CCDC171: variants seen among roughly 807,000 people sequenced by gnomAD.
CCDC171 encodes the protein coiled-coil domain containing 171.
CCDC171 carries 177 observed loss-of-function variants against 168.2 expected under a neutral mutation model. That is an observed-to-expected ratio of 1.05 (90% CI 0.93 to 1.19). CCDC171 has a LOEUF of 1.19. Among genes scored for constraint, CCDC171 ranks in the 50% most tolerant of loss-of-function variants. The pLI, the probability that CCDC171 is intolerant of heterozygous loss-of-function variation, is 0.00. For synonymous variants in CCDC171, 687 were observed against 540.8 expected, an observed-to-expected ratio of 1.27 and a Z score of -3.75; for missense variants, 1,991 against 1,539.0, an observed-to-expected ratio of 1.29 and a Z score of -4.91.
intron 3 of CCDC171, among the ~76,000 whole-genome samples, chr9:16,015,979 T>C (rs114382659): frequency 0.014 from 2,173 of 152,302 alleles, 45 homozygotes; most frequent in African/African-American, 0.048. Flanking sequence ...TAATATCCCA[T>C]TGTACGTACA....
At chr9:15,735,226 A>G (rs1160250227) in intron 16 of CCDC171, among the ~76,000 whole-genome samples, 1 of 152,214 alleles carries the variant, frequency 6.6e-6, no homozygotes, top group Non-Finnish European at 1.5e-5. Flanking sequence ...TTTGCTAGCC[A>G]CATGTTGGGT....
intron 24 of CCDC171, among the ~76,000 whole-genome samples, chr9:15,892,156 A>G (rs984574091): frequency 1.3e-5 from 2 of 152,150 alleles, no homozygotes; most frequent in Admixed American, 1.3e-4. Context: ...AACAAAGATA[A>G]TTTGACTTTC....
chr9:16,003,411 A>C (rs1832611803), intron 3 of CCDC171, among the ~76,000 whole-genome samples: 1 of 152,200 alleles, frequency 6.6e-6, no homozygotes, highest in South Asian at 2.1e-4. Flanking sequence ...GAGCAAATGG[A>C]AATTTGCACT....
At chr9:16,030,327 T>G (rs1186419241) in intron 6 of CCDC171, among the ~76,000 whole-genome samples, 1 of 152,200 alleles carries the variant, frequency 6.6e-6, no homozygotes, top group Non-Finnish European at 1.5e-5. Flanking sequence ...TCTGTGTGTT[T>G]TATATGAATG....
At chr9:15,939,604 C>T (rs1386866372) in intron 25 of CCDC171, among the ~76,000 whole-genome samples, 1 of 151,886 alleles carries the variant, frequency 6.6e-6, no homozygotes, top group Non-Finnish European at 1.5e-5. Context: ...TCTTGTTTAT[C>T]TCTATCTCAT....
At chr9:15,695,614 C>T (rs2051154078) in intron 11 of CCDC171, among the ~76,000 whole-genome samples, 1 of 152,124 alleles carries the variant, frequency 6.6e-6, no homozygotes, top group South Asian at 2.1e-4. Flanking sequence ...CTGAATCCAA[C>T]TGAGAAAAAA....
chr9:15,998,744 T>A (rs1243713401), intron 3 of CCDC171, among the ~76,000 whole-genome samples: 2 of 152,144 alleles, frequency 1.3e-5, no homozygotes, highest in African/African-American at 4.8e-5. Context: ...AAAAAAATTA[T>A]GTGACTAAAT....
chr9:15,846,574 C>A, intron 21 of CCDC171, 128 bp from the exon 22 acceptor site: 1 of 847,388 alleles, frequency 1.2e-6, no homozygotes, highest in Non-Finnish European at 1.8e-6. Context: ...ATTTGTTAAA[C>A]TTTGATGTGT....
chr9:15,728,920 T>C (rs2053986403), intron 15 of CCDC171, among the ~76,000 whole-genome samples: 1 of 152,152 alleles, frequency 6.6e-6, no homozygotes, highest in African/African-American at 2.4e-5. Context: ...TTTTTTATTA[T>C]TGAGCATTTT....
chr9:15,971,782 C>T lies in CCDC171; in HGVS notation c.3927C>T (p.Ser1309=), dbSNP rs376251573. 6.2e-7 allele frequency: 1 copy of T among 1,613,876 alleles called. No homozygotes were observed. Among genetic ancestry groups the T allele is most frequent in the African/African-American group, 1.3e-5 (1 of 74,914 alleles). ...TVPHALTSSH[S]SPVTMSANAN... ...CCCATGCTCTGACATCATCTCACTC[C>T]TCTCCAGTGACTATGTCTGCTAATG... Residue 1309 remains serine, a synonymous_variant, in exon 26 of 26, where the codon TCC becomes TCT. Coordinates refer to ENST00000380701, the MANE Select transcript of CCDC171 (RefSeq NM_173550.4).
chr9:15,837,178 G>T (rs1750997195), intron 21 of CCDC171, among the ~76,000 whole-genome samples: 2 of 152,034 alleles, frequency 1.3e-5, no homozygotes, highest in African/African-American at 4.8e-5. Context: ...AAATTTGAAC[G>T]TTCTACAATA....
intron 25 of CCDC171, among the ~76,000 whole-genome samples, chr9:15,925,479 CTT>C (rs145982648): frequency 0.12 from 17,768 of 151,458 alleles, 1,089 homozygotes; most frequent in Non-Finnish European, 0.14. Flanking sequence ...AGAGGTCAGA[CTT>C]TGTTCTTTTT....
intron 21 of CCDC171, among the ~76,000 whole-genome samples, chr9:15,801,738 A>G (rs1416230701): frequency 6.6e-6 from 1 of 152,084 alleles, no homozygotes; most frequent in Non-Finnish European, 1.5e-5. Context: ...ATTCAGTATG[A>G]TACTAGCTGT....
intron 6 of CCDC171, among the ~76,000 whole-genome samples, chr9:15,615,912 G>C (rs1003360375): frequency 1.3e-5 from 2 of 151,576 alleles, no homozygotes; most frequent in African/African-American, 4.8e-5. Flanking sequence ...CCAAGTACTG[G>C]GACCACAGGC....
chr9:15,750,471 C>G (rs929451041), intron 18 of CCDC171, among the ~76,000 whole-genome samples: 2 of 152,160 alleles, frequency 1.3e-5, no homozygotes, highest in South Asian at 2.1e-4. Context: ...TTTTATGAGG[C>G]CAGCATCATC....
chr9:15,761,653 T>TTG (rs1397479876), intron 18 of CCDC171, among the ~76,000 whole-genome samples: 2 of 152,182 alleles, frequency 1.3e-5, no homozygotes, highest in Non-Finnish European at 2.9e-5. Flanking sequence ...AAAAAATTTT[T>TTG]TGTGTATGGG....
At chr9:15,598,499 G>C (rs1256125032) in intron 6 of CCDC171, among the ~76,000 whole-genome samples, 8 of 152,042 alleles carry the variant, frequency 5.3e-5, no homozygotes, top group East Asian at 1.9e-4. Flanking sequence ...TTTGATTGCA[G>C]TGTGGTCTGA....
intron 18 of CCDC171, among the ~76,000 whole-genome samples, chr9:15,761,553 C>T (rs990834538): frequency 6.6e-6 from 1 of 152,148 alleles, no homozygotes; most frequent in Admixed American, 6.5e-5. Flanking sequence ...TGCATTTTAA[C>T]AAGATCCTCA....
chr9:15,600,940 G>C (rs757157705), intron 6 of CCDC171, among the ~76,000 whole-genome samples: 2 of 152,190 alleles, frequency 1.3e-5, no homozygotes, highest in African/African-American at 4.8e-5. Flanking sequence ...CGAGCCAAGC[G>C]CGGGATACAA....
Sources: gnomAD v4.1 joint callset for allele counts (sites outside exome capture counted in the v4.1 genomes callset) on GRCh38, gnomAD v4.1.1 for gene constraint, MANE v1.5 for transcripts, NCBI Gene and HGNC (gene_info 2026-07-23, HGNC 2026-07-21) for gene names.